The following STK3 variants were observed in gnomAD, a reference collection of about 807,000 sequenced individuals.
STK3 encodes serine/threonine kinase 3.
In STK3, 41 loss-of-function variants were observed where a neutral mutation model predicts 58.0. The observed-to-expected ratio is 0.71, with a 90% CI of 0.55 to 0.92. STK3 has a LOEUF of 0.92. Among genes scored for constraint, STK3 ranks in the 40% least tolerant of loss-of-function variants. STK3 has a pLI of 0.00. For synonymous variants in STK3, 170 were observed against 191.0 expected, an observed-to-expected ratio of 0.89 and a Z score of 0.91; for missense variants, 479 against 602.7, an observed-to-expected ratio of 0.79 and a Z score of 2.15.
intron 1 of STK3, among the ~76,000 whole-genome samples, chr8:98,786,144 T>C (rs1376575173): frequency 2.6e-5 from 4 of 152,108 alleles, no homozygotes; most frequent in Admixed American, 6.5e-5. Flanking sequence ...AAATAAGAGG[T>C]AAAGATTTTT....
intron 10 of STK3, among the ~76,000 whole-genome samples, chr8:98,484,073 C>A (rs1822048473): frequency 1.6e-5 from 1 of 64,342 alleles, no homozygotes; most frequent in South Asian, 3.2e-4. Flanking sequence ...AACACATGTG[C>A]CACCATGACT....
the STK3 span, among the ~76,000 whole-genome samples, chr8:98,351,516 C>A: frequency 6.6e-6 from 1 of 152,044 alleles, no homozygotes; most frequent in Non-Finnish European, 1.5e-5. Context: ...CCTCTGTGTC[C>A]TTGAGAATAG....
At chr8:98,742,047 T>C (rs961963913) in intron 4 of STK3, among the ~76,000 whole-genome samples, 1 of 152,066 alleles carries the variant, frequency 6.6e-6, no homozygotes, top group Admixed American at 6.5e-5. Flanking sequence ...GTTGAATCTC[T>C]GAATAGAACA....
At chr8:98,680,973 C>G (rs945410252) in intron 6 of STK3, among the ~76,000 whole-genome samples, 1 of 148,694 alleles carries the variant, frequency 6.7e-6, no homozygotes, top group South Asian at 2.1e-4. Flanking sequence ...GTTTCTAACC[C>G]CACCTTTCTT....
chr8:98,490,220 T>C (rs1021504457), intron 10 of STK3, among the ~76,000 whole-genome samples: 1 of 152,186 alleles, frequency 6.6e-6, no homozygotes, highest in Non-Finnish European at 1.5e-5. Flanking sequence ...AACACTAATT[T>C]CTGAATTTAT....
At chr8:98,624,099 T>C (rs1818534498) in intron 6 of STK3, among the ~76,000 whole-genome samples, 1 of 152,132 alleles carries the variant, frequency 6.6e-6, no homozygotes, top group African/African-American at 2.4e-5. Context: ...TAAAGAAATT[T>C]TGCAACAGAC....
At chr8:98,690,322 T>C (rs1824304708) in intron 6 of STK3, among the ~76,000 whole-genome samples, 1 of 152,092 alleles carries the variant, frequency 6.6e-6, no homozygotes, top group Middle Eastern at 3.2e-3. Flanking sequence ...CTCCTAGGCC[T>C]GATAAATGAT....
chr8:98,582,124 C>G (rs1334718007), intron 7 of STK3, among the ~76,000 whole-genome samples: 1 of 152,100 alleles, frequency 6.6e-6, no homozygotes, highest in African/African-American at 2.4e-5. Flanking sequence ...AATACATCAT[C>G]AAGAATGTGA....
chr8:98,776,752 T>TAA (rs906260272), intron 1 of STK3, among the ~76,000 whole-genome samples: 30 of 128,184 alleles, frequency 2.3e-4, no homozygotes, highest in African/African-American at 7.5e-4. Flanking sequence ...TATGTCAAGA[T>TAA]AAAAAAAAAA....
chr8:98,404,628 C>T (rs528466748), intron 3 of STK3, among the ~76,000 whole-genome samples: 52 of 139,250 alleles, frequency 3.7e-4, no homozygotes, highest in African/African-American at 1.3e-3. Flanking sequence ...TGCAGTGAGC[C>T]GAGATGGTGC....
intron 6 of STK3, among the ~76,000 whole-genome samples, chr8:98,623,419 G>A (rs1231896969): frequency 6.6e-6 from 1 of 152,118 alleles, no homozygotes; most frequent in African/African-American, 2.4e-5. Context: ...TCATAAAGGT[G>A]GGGCTCTAAT....
chr8:98,744,445 A>G (rs898128906), intron 4 of STK3, among the ~76,000 whole-genome samples: 3 of 151,836 alleles, frequency 2.0e-5, no homozygotes, highest in Non-Finnish European at 2.9e-5. Context: ...CATGGATGAA[A>G]TTGGAAATCA....
At chr8:98,468,841 T>C (rs1340632648) in intron 10 of STK3, among the ~76,000 whole-genome samples, 10 of 152,334 alleles carry the variant, frequency 6.6e-5, no homozygotes, top group East Asian at 1.9e-4. Flanking sequence ...CCGGGCATGG[T>C]GGCTAACGCC....
chr8:98,491,396 G>A (rs1248941910), intron 10 of STK3, among the ~76,000 whole-genome samples: 1 of 151,834 alleles, frequency 6.6e-6, no homozygotes, highest in Non-Finnish European at 1.5e-5. Flanking sequence ...TCTTTAGCAG[G>A]TATAGGAACA....
chr8:98,425,360 C>G (rs1028332512), intron 3 of STK3, among the ~76,000 whole-genome samples: 2 of 151,928 alleles, frequency 1.3e-5, no homozygotes, highest in African/African-American at 4.8e-5. Flanking sequence ...CACAAACACA[C>G]TGGGAAATAA....
intron 6 of STK3, among the ~76,000 whole-genome samples, chr8:98,695,535 G>A (rs1824828319): frequency 6.6e-6 from 1 of 152,178 alleles, no homozygotes; most frequent in South Asian, 2.1e-4. Flanking sequence ...AAGTTGTAAG[G>A]AAGGGATACA....
At chr8:98,577,418 T>C (rs1813498772) in intron 8 of STK3, among the ~76,000 whole-genome samples, 1 of 152,084 alleles carries the variant, frequency 6.6e-6, no homozygotes, top group Admixed American at 6.6e-5. Context: ...ACCCAGGAGA[T>C]GGAGGTTGCA....
chr8:98,862,035 G>A (rs1252657703), intron 3 of STK3, among the ~76,000 whole-genome samples: 1 of 152,164 alleles, frequency 6.6e-6, no homozygotes, highest in Non-Finnish European at 1.5e-5. Context: ...ACTCAAACCT[G>A]TGGCCCCAAT....
chr8:98,614,498 G>C (rs943768090), intron 6 of STK3, among the ~76,000 whole-genome samples: 1 of 152,222 alleles, frequency 6.6e-6, no homozygotes, highest in South Asian at 2.1e-4. Flanking sequence ...ACAGCTCCCA[G>C]CGAGAGCGAT....
Sources: gnomAD v4.1 joint callset for allele counts (sites outside exome capture counted in the v4.1 genomes callset) on GRCh38, gnomAD v4.1.1 for gene constraint, MANE v1.5 for transcripts, NCBI Gene and HGNC (gene_info 2026-07-23, HGNC 2026-07-21) for gene names.